CPS1: variants seen among roughly 807,000 people sequenced by gnomAD.
CPS1 encodes the protein carbamoyl-phosphate synthase [ammonia], mitochondrial.
Under a neutral mutation model 174.6 loss-of-function variants are expected in CPS1, and 109 were observed. That is an observed-to-expected ratio of 0.62 (90% confidence interval 0.53 to 0.73). The LOEUF (loss-of-function observed/expected upper bound fraction) is 0.73. CPS1 is among the 30% of genes least tolerant of loss of function. The probability of loss-of-function intolerance (pLI) is 0.00; values close to 1 mark genes in which losing one functional copy is unlikely to be tolerated. For missense variants in CPS1, 1,689 were observed against 1,821.9 expected, an observed-to-expected ratio of 0.93 and a Z score of 1.33; for synonymous variants, 637 against 632.0, an observed-to-expected ratio of 1.01 and a Z score of -0.12.
At chr2:210,675,076 G>A (rs918574836) in intron 35 of CPS1, 115 bp downstream of exon 35, 1 of 830,012 alleles carries the variant, frequency 1.2e-6, no homozygotes, top group Non-Finnish European at 2.1e-6. Flanking sequence ...GATATGAAAG[G>A]TTTAACTAAC....
rs759086830 is a variant in CPS1 at position 210,637,850 on chromosome 2, G to A, written c.2829+7G>A. 5.0e-6 allele frequency: 8 copies of A among 1,613,624 alleles called. No individual in the cohort carries two copies. The East Asian group carries it at 1.1e-4, about 22-fold the overall frequency. On this transcript the variant is annotated splice_region_variant and intron_variant, in intron 22 of 37. Transcript: ENST00000233072. ...CCACCCTTGGGTTAAACAGGTAAAG[G>A]AGTTTCCCTTTTCCCCCATCCCCCA...
At chr2:210,518,127 G>C (rs1695730034) in intron 1 of CPS1, among the ~76,000 whole-genome samples, 1 of 151,952 alleles carries the variant, frequency 6.6e-6, no homozygotes. Context: ...GGTCTGTTGT[G>C]TCTTTCCAGA....
intron 19 of CPS1, among the ~76,000 whole-genome samples, chr2:210,611,600 A>G (rs989492753): frequency 1.6e-4 from 24 of 152,020 alleles, no homozygotes; most frequent in African/African-American, 5.5e-4. Flanking sequence ...AATCATCAGT[A>G]TTTGTTATGA....
At chr2:210,575,841 C>T (rs1278965407) in intron 2 of CPS1, among the ~76,000 whole-genome samples, 2 of 152,002 alleles carry the variant, frequency 1.3e-5, no homozygotes, top group South Asian at 2.1e-4. Context: ...CATATATACT[C>T]ATGCAACCAC....
chr2:210,640,104 A>G, intron 24 of CPS1, 45 bp downstream of exon 24: 1 of 1,186,286 alleles, frequency 8.4e-7, no homozygotes, highest in Non-Finnish European at 1.3e-6. Context: ...CACAATTTAT[A>G]TAGTTTTCTT....
chr2:210,605,878 T>C (rs1341397709), intron 17 of CPS1, among the ~76,000 whole-genome samples: 2 of 151,730 alleles, frequency 1.3e-5, no homozygotes, highest in African/African-American at 4.8e-5. Context: ...GAGAATAGGG[T>C]TGAACTTTGA....
At chr2:210,579,321 C>G (rs1222582215) in intron 4 of CPS1, among the ~76,000 whole-genome samples, 1 of 152,020 alleles carries the variant, frequency 6.6e-6, no homozygotes, top group East Asian at 1.9e-4. Flanking sequence ...TCAACATGGC[C>G]CTTCAGAAAA....
intron 1 of CPS1, among the ~76,000 whole-genome samples, chr2:210,558,289 G>A (rs1188051284): frequency 6.6e-6 from 1 of 151,952 alleles, no homozygotes; most frequent in Admixed American, 6.6e-5. Context: ...AAATCATTAG[G>A]ATGTAGTTAC....
chr2:210,591,702 G>A (rs771138969), intron 9 of CPS1, 129 bp from the exon 10 acceptor site: 22 of 958,028 alleles, frequency 2.3e-5, no homozygotes, highest in Non-Finnish European at 3.3e-5. Flanking sequence ...CTCACAGAGT[G>A]ATTTTCACTA....
At chr2:210,515,341 G>A (rs1309106672) in intron 1 of CPS1, among the ~76,000 whole-genome samples, 1 of 124,558 alleles carries the variant, frequency 8.0e-6, no homozygotes, top group South Asian at 2.6e-4. Flanking sequence ...GCTTTTTTTG[G>A]TTGGTAGGTT....
In CPS1 at chr2:210,616,461, G is replaced by A; in HGVS notation, c.2607G>A (p.Lys869=). The A allele has an allele frequency of 1.2e-6, 2 of 1,612,346 alleles. No homozygotes were observed. The highest frequency in any genetic ancestry group is 1.7e-6 in the Non-Finnish European group (2 of 1,178,808). ...DDNMSLDEIE[K]LTYIDKWFLY... ...ACATGTCCCTTGATGAGATTGAGAA[G>A]CTCACATACATTGACAAGTGGTTTT... Residue 869 remains lysine, a synonymous_variant, in exon 21 of 38, where the codon AAG becomes AAA. Transcript: ENST00000233072.
chr2:210,632,798 A>G (rs1699908928), intron 21 of CPS1, among the ~76,000 whole-genome samples: 1 of 152,242 alleles, frequency 6.6e-6, no homozygotes, highest in South Asian at 2.1e-4. Context: ...TAGAAATTAC[A>G]TTACTTTGGA....
At chr2:210,562,388 A>C (rs1697131807) in intron 1 of CPS1, among the ~76,000 whole-genome samples, 1 of 152,178 alleles carries the variant, frequency 6.6e-6, no homozygotes, top group Non-Finnish European at 1.5e-5. Flanking sequence ...AGTGCTTCAG[A>C]ATTTTGAAGT....
intron 1 of CPS1, among the ~76,000 whole-genome samples, chr2:210,503,089 G>T (rs1031789858): frequency 2.0e-5 from 3 of 152,186 alleles, no homozygotes; most frequent in African/African-American, 7.2e-5. Flanking sequence ...CTGACATCCT[G>T]TGACTAGGTG....
chr2:210,502,506 A>AT (rs1229203467), intron 1 of CPS1, among the ~76,000 whole-genome samples: 2 of 148,248 alleles, frequency 1.3e-5, no homozygotes, highest in Non-Finnish European at 3.0e-5. Flanking sequence ...ATAGAGATAT[A>AT]TTTTTTATAT....
At chr2:210,675,435 T>C (rs774889229) in intron 35 of CPS1, among the ~76,000 whole-genome samples, 1 of 152,130 alleles carries the variant, frequency 6.6e-6, no homozygotes, top group Non-Finnish European at 1.5e-5. Context: ...AATTGAGAAA[T>C]TATTAAATTT....
At chr2:210,674,859 G>A (rs763439973) in intron 34 of CPS1, 43 bp from the exon 35 acceptor site, 2 of 1,441,240 alleles carry the variant, frequency 1.4e-6, no homozygotes, top group Non-Finnish European at 2.0e-6. Flanking sequence ...TAAATGAAGA[G>A]CATGTATATC....
intron 1 of CPS1, among the ~76,000 whole-genome samples, chr2:210,502,325 G>A (rs1695160269): frequency 1.3e-5 from 2 of 150,238 alleles, no homozygotes; most frequent in South Asian, 2.1e-4. Context: ...CACACTGAAA[G>A]CTTCTAATCC....
At chr2:210,515,043 A>C (rs895276709) in intron 1 of CPS1, among the ~76,000 whole-genome samples, 3 of 151,834 alleles carry the variant, frequency 2.0e-5, no homozygotes, top group African/African-American at 7.2e-5. Flanking sequence ...CTAGGAATGA[A>C]GGCTACATCA....
Sources: allele counts gnomAD v4.1 joint callset (sites outside exome capture counted in the v4.1 genomes callset), GRCh38; gene constraint gnomAD v4.1.1; transcripts MANE v1.5; gene names NCBI Gene and HGNC (gene_info 2026-07-23, HGNC 2026-07-21).